SLFN5: variants seen among roughly 807,000 people sequenced by gnomAD.
SLFN5 encodes the protein schlafen family member 5.
In SLFN5, 34 loss-of-function variants were observed where a neutral mutation model predicts 48.5. The ratio of observed to expected loss-of-function variants is 0.70; its 90% CI spans 0.53 to 0.93. The LOEUF is 0.93. Ranked by LOEUF, SLFN5 falls within the 40% of genes least tolerant of loss-of-function variation. The pLI, the probability that SLFN5 is intolerant of heterozygous loss-of-function variation, is 0.00. For missense variants in SLFN5, 1,006 were observed against 1,071.3 expected (o/e 0.94, Z 0.85); for synonymous variants, 387 against 396.2 (o/e 0.98, Z 0.28).
intron 3 of SLFN5, 72 bp from the exon 4 acceptor site, chr17:35,264,111 C>T: frequency 6.7e-7 from 1 of 1,492,826 alleles, no homozygotes; most frequent in East Asian, 2.3e-5. Context: ...TTGATTAATT[C>T]TTCTACGTAT....
Position 35,264,359 on chromosome 17 carries a change from T to G in SLFN5, c.1315T>G (p.Cys439Gly), listed in dbSNP as rs1055686558. Residue 439 changes from cysteine (C) to glycine (G), a missense_variant, in exon 4 of 5, where the codon TGT becomes GGT. Transcript: ENST00000299977. ...TCTGCAAGAGAAGCAGGGAGTCATC[T>G]GTGATGCTCTTCTAATTTCCCAGAA... ...LGLQEKQGVI[C>G]DALLISQNNT... The G allele has an allele frequency of 9.3e-6, 15 of 1,614,254 alleles. No individual in the cohort carries two copies. The highest frequency in any genetic ancestry group is 1.2e-5 in the Non-Finnish European group (14 of 1,180,044).
rs1454569570 is a variant in SLFN5 at position 35,267,973 on chromosome 17, G to T, written c.*2085G>T. ...AGGGACTCTCCGTGGACACAGGAGG[G>T]ATTTTCCAGGATTTCACATGAATTC... On this transcript the variant is annotated 3_prime_UTR_variant, in exon 5 of 5. Coordinates refer to ENST00000299977, the MANE Select transcript of SLFN5 (RefSeq NM_144975.4). 6.6e-6 allele frequency: 1 copy of T among 152,190 alleles called. No individual in the cohort carries two copies. Among genetic ancestry groups the T allele is most frequent in the Non-Finnish European group, 1.5e-5 (1 of 68,046 alleles). 9.4% of individuals were successfully genotyped at this position (152,190 alleles called of 1,614,324 possible). A position where few individuals can be genotyped will look rare whatever the true frequency, so the allele number is the denominator to read the frequency against.
In SLFN5 at chr17:35,270,935, CA is replaced by C. The variant is rs1354140416; in HGVS notation, c.*5048del. 26 of 152,154 alleles carry C rather than the reference CA, an allele frequency of 1.7e-4. No homozygotes were observed. The highest frequency in any genetic ancestry group is 3.7e-4 in the Non-Finnish European group (25 of 68,018). The allele number at this position is 152,154 out of a possible 1,614,324, so 9.4% of individuals were successfully genotyped here. On this transcript the variant is annotated 3_prime_UTR_variant, in exon 5 of 5. Coordinates refer to ENST00000299977, the MANE Select transcript of SLFN5 (RefSeq NM_144975.4). ...CAGAATATATAGGTCAAGCATAACACATTACAATCAAGATTCAGAACATCAA... is the reference window on the plus strand; with the variant it reads ...CAGAATATATAGGTCAAGCATAACACTTACAATCAAGATTCAGAACATCAA...
chr17:35,263,320 G>A (rs1904575078), intron 3 of SLFN5, among the ~76,000 whole-genome samples: 1 of 151,364 alleles, frequency 6.6e-6, no homozygotes, highest in East Asian at 2.0e-4. Flanking sequence ...TTGTAGAGAT[G>A]GGGTTTCACC....
chr17:35,265,470 G>T lies in SLFN5; in HGVS notation c.2258G>T (p.Gly753Val), dbSNP rs775988583. ...CTCTATGAACCTAAATGGGCTCAAG[G>T]TGTCCCAGGCAACTTAGAGATTATT... ...VMLYEPKWAQ[G>V]VPGNLEIIED... The change falls in exon 5 of 5, where the codon GGT becomes GTT. Residue 753 changes from glycine to valine, a missense_variant. Gly to Val is a moderately radical substitution (Grantham distance 109). Transcript: ENST00000299977. The T allele has an allele frequency of 3.0e-5, 49 of 1,614,098 alleles. No individual in the cohort carries two copies. Among genetic ancestry groups the T allele is most frequent in the Non-Finnish European group, 4.1e-5 (48 of 1,180,060 alleles).
At position 35,268,492 on chromosome 17, in the gene SLFN5, G is replaced by A. The variant is rs1904756740; in HGVS notation, c.*2604G>A. The A allele has an allele frequency of 1.3e-5, 2 of 152,240 alleles. No homozygotes were observed. Among genetic ancestry groups the A allele is most frequent in the Admixed American group, 1.3e-4 (2 of 15,282 alleles). 9.4% of individuals were successfully genotyped at this position (152,240 alleles called of 1,614,324 possible). On this transcript the variant is annotated 3_prime_UTR_variant, in exon 5 of 5. Coordinates refer to ENST00000299977, the MANE Select transcript of SLFN5 (RefSeq NM_144975.4). The stretch of plus-strand genomic sequence containing the variant: ...AGCATTTTGGTAGGCCAAGGCAGGT[G>A]GATCACCTGAGGTCAGGAGTTCAAG...
In SLFN5 at chr17:35,259,365, A is replaced by G; in HGVS notation, c.675A>G (p.Gly225=). 1 of 1,614,120 alleles carries G rather than the reference A, an allele frequency of 6.2e-7. No individual in the cohort carries two copies. Among genetic ancestry groups the G allele is most frequent in the Non-Finnish European group, 8.5e-7 (1 of 1,180,030 alleles). The change falls in exon 2 of 5, where the codon GGA becomes GGG. Residue 225 remains glycine (G), a synonymous_variant. Coordinates refer to ENST00000299977, the MANE Select transcript of SLFN5 (RefSeq NM_144975.4). ...CTGCATTTGCAAATACTGAAGGAGG[A>G]TATGTATTTTTTGGTGTGCATGATG... ...CVSAFANTEG[G]YVFFGVHDET...
Position 35,264,793 on chromosome 17 carries a change from G to T in SLFN5, c.1749G>T (p.Gly583=). The stretch of plus-strand genomic sequence containing the variant: ...TTGTTCATGGCTTACCTGGATCAGG[G>T]AAGACTATCTTGGCTCTTAGGATCA... ...ELFVHGLPGS[G]KTILALRIME... is the part of the protein sequence containing the mutation. Residue 583 remains glycine, a synonymous_variant, in exon 4 of 5, where the codon GGG becomes GGT. Coordinates refer to ENST00000299977, the MANE Select transcript of SLFN5 (RefSeq NM_144975.4). The T allele has an allele frequency of 6.3e-7, 1 of 1,596,736 alleles. No individual in the cohort carries two copies. The highest frequency in any genetic ancestry group is 1.1e-5 in the South Asian group (1 of 87,604).
At chr17:35,263,747 C>G (rs991735527) in intron 3 of SLFN5, among the ~76,000 whole-genome samples, 1 of 139,770 alleles carries the variant, frequency 7.2e-6, no homozygotes, top group African/African-American at 2.7e-5. Flanking sequence ...CACTTGAACC[C>G]AGGAGACAGA....
At chr17:35,253,258 C>T (rs1443052313) in intron 1 of SLFN5, among the ~76,000 whole-genome samples, 1 of 152,072 alleles carries the variant, frequency 6.6e-6, no homozygotes, top group Admixed American at 6.6e-5. Context: ...TCTCCTAATA[C>T]CAGCACCTTT....
chr17:35,248,135 A>G (rs916060601), intron 1 of SLFN5, among the ~76,000 whole-genome samples: 2 of 152,164 alleles, frequency 1.3e-5, no homozygotes, highest in African/African-American at 4.8e-5. Context: ...TATTTGTACA[A>G]CACTAGCTCA....
At chr17:35,256,428 T>C (rs1269442650) in intron 1 of SLFN5, among the ~76,000 whole-genome samples, 1 of 152,214 alleles carries the variant, frequency 6.6e-6, no homozygotes, top group Non-Finnish European at 1.5e-5. Flanking sequence ...AGAATGACTT[T>C]ATTACTGTGT....
rs200108679 is a variant in SLFN5 at position 35,261,058 on chromosome 17, C to A, written c.1100C>A (p.Ser367Ter). 4 of 1,613,690 alleles carry A rather than the reference C, an allele frequency of 2.5e-6. No homozygotes were observed. The highest frequency in any genetic ancestry group is 1.3e-5 in the African/African-American group (1 of 74,900). Reference protein sequence around the residue: ...RSKPVCIHKNSECLKEQQKRY... With the variant: ...RSKPVCIHKN ...AAGCCTGTGTGCATTCATAAGAATT[C>A]GGAATGTCTGAAAGAGCAGCAGAAA... Residue 367 changes from serine (S) to a stop codon, truncating the protein, a stop_gained, in exon 3 of 5, where the codon TCG becomes TAG. Transcript: ENST00000299977. LOFTEE classifies it high-confidence loss of function.
intron 4 of SLFN5, 83 bp downstream of exon 4, chr17:35,264,986 T>C (rs1278664756): frequency 1.3e-6 from 2 of 1,535,722 alleles, no homozygotes; most frequent in Non-Finnish European, 1.7e-6. Flanking sequence ...AAAATTCATA[T>C]TGTATTTACC....
At chr17:35,246,751 A>C (rs1231720938) in intron 1 of SLFN5, among the ~76,000 whole-genome samples, 1 of 151,888 alleles carries the variant, frequency 6.6e-6, no homozygotes, top group Admixed American at 6.6e-5. Flanking sequence ...GCTACTAGAG[A>C]GGCTGAGGCA....
In SLFN5 at chr17:35,264,298, A is replaced by G. The variant is rs1904608782; in HGVS notation, c.1254A>G (p.Ile418Met). The change falls in exon 4 of 5, where the codon ATA (isoleucine) becomes ATG (methionine). Residue 418 changes from isoleucine (I) to methionine (M), a missense_variant. By Grantham distance (10) the Ile-to-Met change is conservative. Transcript: ENST00000299977. The stretch of plus-strand genomic sequence containing the variant: ...AAATGCGCCCTTTCTCTCAAGGAAT[A>G]TTGATTTTTTCTCAAAGCTGGGCTG... ...NTEMRPFSQG[I>M]LIFSQSWAVD... 1.9e-6 allele frequency: 3 copies of G among 1,614,154 alleles called. No individual in the cohort carries two copies. Among genetic ancestry groups the G allele is most frequent in the South Asian group, 1.1e-5 (1 of 91,076 alleles).
At chr17:35,252,471 A>G (rs570715373) in intron 1 of SLFN5, among the ~76,000 whole-genome samples, 2 of 152,286 alleles carry the variant, frequency 1.3e-5, no homozygotes, top group East Asian at 1.9e-4. Flanking sequence ...TTTTCAGGTT[A>G]TGTGTCGCCT....
rs557996400 is a variant in SLFN5, at chr17:35,260,151, A to G, written c.1012+449A>G. ...AAATATTCACCCTTTCTCACTGCCC[A>G]CTTCCATTTTTTGAACCAAAATATG... On this transcript the variant is annotated intron_variant, in intron 2 of 4. Transcript: ENST00000299977. Among the ~76,000 whole-genome samples the G allele has an allele frequency of 3.9e-5, 6 of 152,148 alleles. No homozygotes were observed. In the East Asian group the frequency reaches 1.2e-3, roughly 29 times the overall value.
At chr17:35,260,712 A>G (rs1038448836) in intron 2 of SLFN5, among the ~76,000 whole-genome samples, 1 of 152,084 alleles carries the variant, frequency 6.6e-6, no homozygotes, top group Non-Finnish European at 1.5e-5. Context: ...GACTGTTTCA[A>G]TAAATAAATA....
Sources: allele counts gnomAD v4.1 joint callset (sites outside exome capture counted in the v4.1 genomes callset), GRCh38; gene constraint gnomAD v4.1.1; transcripts MANE v1.5; gene names NCBI Gene and HGNC (gene_info 2026-07-23, HGNC 2026-07-21).